The following MAGI2 variants were observed in gnomAD, a reference collection of about 807,000 sequenced individuals.
MAGI2 encodes membrane associated guanylate kinase, WW and PDZ domain containing 2.
MAGI2 carries 35 observed loss-of-function variants against 133.3 expected under a neutral mutation model. The observed-to-expected ratio is 0.26, with a 90% CI of 0.20 to 0.35. MAGI2 has a LOEUF of 0.35. Ranked by LOEUF, MAGI2 falls within the 10% of genes least tolerant of loss-of-function variation. The probability of loss-of-function intolerance (pLI) is 1.00; values close to 1 mark genes in which losing one functional copy is unlikely to be tolerated. For missense variants in MAGI2, 1,636 were observed against 1,863.4 expected, an observed-to-expected ratio of 0.88 and a Z score of 2.25; for synonymous variants, 729 against 710.6, an observed-to-expected ratio of 1.03 and a Z score of -0.41.
At chr7:78,602,064 C>G (rs1468069358) in intron 3 of MAGI2, among the ~76,000 whole-genome samples, 1 of 152,198 alleles carries the variant, frequency 6.6e-6, no homozygotes, top group Non-Finnish European at 1.5e-5. Flanking sequence ...CAGAAGTCTA[C>G]TATTTCAGCT....
Position 79,129,565 on chromosome 7 carries a change from C to G in MAGI2, c.302-122359G>C, listed in dbSNP as rs143844165. 2.9e-3 allele frequency among the ~76,000 whole-genome samples: 439 copies of G among 152,276 alleles called. 1 individual carries two copies. Among genetic ancestry groups the G allele is most frequent in the Non-Finnish European group, 4.6e-3 (312 of 68,030 alleles). Reference sequence around the variant, plus strand: ...TGAATTGCAATTATATTTATTACAACTGACCCTCAGAAAGAACTAGTTTAA... The same window carrying G: ...TGAATTGCAATTATATTTATTACAAGTGACCCTCAGAAAGAACTAGTTTAA... On this transcript the variant is annotated intron_variant, in intron 1 of 21. Transcript: ENST00000354212.
chr7:78,255,061 C>A (rs1360104313), intron 10 of MAGI2: 2 of 152,222 alleles, frequency 1.3e-5, no homozygotes, highest in Non-Finnish European at 2.9e-5. Context: ...CCTTTACACT[C>A]TTTTTTCGAG....
chr7:78,718,935 C>T (rs1819988717), intron 2 of MAGI2, among the ~76,000 whole-genome samples: 1 of 152,106 alleles, frequency 6.6e-6, no homozygotes, highest in Non-Finnish European at 1.5e-5. Flanking sequence ...TTTGTTATGT[C>T]ACTGTGCTTT....
At chr7:78,703,459 A>C (rs1303196280) in intron 2 of MAGI2, among the ~76,000 whole-genome samples, 1 of 152,028 alleles carries the variant, frequency 6.6e-6, no homozygotes, top group Non-Finnish European at 1.5e-5. Context: ...AGAATTTCTC[A>C]TCTGCTATCT....
chr7:78,445,182 C>T (rs34896695), intron 6 of MAGI2, among the ~76,000 whole-genome samples: 67,304 of 151,726 alleles, frequency 0.44, 18,229 homozygotes, highest in Non-Finnish European at 0.6. Flanking sequence ...ATAATCTAGG[C>T]AAACTGAATC....
At chr7:78,832,538 C>T (rs894210597) in intron 2 of MAGI2, among the ~76,000 whole-genome samples, 23 of 152,138 alleles carry the variant, frequency 1.5e-4, no homozygotes, top group Non-Finnish European at 2.2e-4. Context: ...CCATTCTTCA[C>T]GCTACTCTGT....
chr7:78,767,320 A>T (rs922777669), intron 2 of MAGI2, among the ~76,000 whole-genome samples: 1 of 151,070 alleles, frequency 6.6e-6, no homozygotes, highest in Admixed American at 6.6e-5. Context: ...GTTAAGGTAC[A>T]CCTAATGCAG....
intron 9 of MAGI2, among the ~76,000 whole-genome samples, chr7:78,261,710 T>G (rs1793535586): frequency 2.0e-5 from 3 of 152,204 alleles, no homozygotes; most frequent in African/African-American, 7.2e-5. Flanking sequence ...ACTCCCATCC[T>G]ACCAATTACA....
chr7:78,699,176 C>A (rs944604909), intron 2 of MAGI2, among the ~76,000 whole-genome samples: 17 of 152,138 alleles, frequency 1.1e-4, no homozygotes, highest in African/African-American at 3.4e-4. Context: ...GTGGCATGAT[C>A]TTGGCTCAAT....
chr7:79,420,704 ACAT>A lies in MAGI2; in HGVS notation c.301+32313_301+32315del, dbSNP rs1349736832. 2.0e-5 allele frequency among the ~76,000 whole-genome samples: 3 copies of A among 151,968 alleles called. No individual in the cohort carries two copies. In the East Asian group the frequency reaches 5.8e-4, roughly 29 times the overall value. On this transcript the variant is annotated intron_variant, in intron 1 of 21. Transcript: ENST00000354212. ...ATTTTGCATCTACGCCACCAAGATT[ACAT>A]CATCATGGTGAAATTCATGGTCCAC...
At chr7:78,972,801 TA>T (rs893943835) in intron 2 of MAGI2, among the ~76,000 whole-genome samples, 33 of 151,914 alleles carry the variant, frequency 2.2e-4, no homozygotes, top group African/African-American at 7.7e-4. Flanking sequence ...TCATTTTTCC[TA>T]AAAAATTATA....
At chr7:78,787,755 A>G (rs866880363) in intron 2 of MAGI2, among the ~76,000 whole-genome samples, 1 of 152,208 alleles carries the variant, frequency 6.6e-6, no homozygotes, top group African/African-American at 2.4e-5. Flanking sequence ...AAATCATCAG[A>G]AAGTGCCTAG....
intron 21 of MAGI2, among the ~76,000 whole-genome samples, chr7:78,028,470 A>G (rs1809186083): frequency 6.6e-6 from 1 of 152,220 alleles, no homozygotes; most frequent in Admixed American, 6.5e-5. Flanking sequence ...TGGAGCAGCT[A>G]TCTACTGAGA....
intron 10 of MAGI2, among the ~76,000 whole-genome samples, chr7:78,224,239 A>T (rs1053161234): frequency 1.3e-5 from 2 of 152,030 alleles, no homozygotes; most frequent in African/African-American, 4.8e-5. Flanking sequence ...TATTTATTTT[A>T]TTTTCTTTAG....
intron 1 of MAGI2, among the ~76,000 whole-genome samples, chr7:79,020,973 C>T (rs1809272467): frequency 1.3e-5 from 2 of 152,196 alleles, no homozygotes; most frequent in South Asian, 4.1e-4. Context: ...CCCCTACATG[C>T]CAGCTGCTTC....
chr7:78,032,470 C>T (rs558788205), intron 21 of MAGI2, among the ~76,000 whole-genome samples: 31 of 152,248 alleles, frequency 2.0e-4, no homozygotes, highest in African/African-American at 7.2e-4. Flanking sequence ...CTTCCTTGGC[C>T]TCCCAAAGTG....
chr7:78,795,284 C>A (rs1467810136), intron 2 of MAGI2, among the ~76,000 whole-genome samples: 1 of 151,556 alleles, frequency 6.6e-6, no homozygotes, highest in Non-Finnish European at 1.5e-5. Flanking sequence ...ATGTAACAAT[C>A]TTATATTCAG....
At chr7:78,549,394 A>G (rs1203055177) in intron 3 of MAGI2, among the ~76,000 whole-genome samples, 2 of 151,732 alleles carry the variant, frequency 1.3e-5, no homozygotes, top group Admixed American at 6.6e-5. Context: ...TTGTTCATTC[A>G]TCTGCATTCT....
At chr7:79,130,030 G>C (rs1364391572) in intron 1 of MAGI2, among the ~76,000 whole-genome samples, 1 of 152,040 alleles carries the variant, frequency 6.6e-6, no homozygotes, top group Non-Finnish European at 1.5e-5. Context: ...GCTAGGCATG[G>C]TGGCTCACAC....
Sources: gnomAD v4.1 joint callset for allele counts (sites outside exome capture counted in the v4.1 genomes callset) on GRCh38, gnomAD v4.1.1 for gene constraint, MANE v1.5 for transcripts, NCBI Gene and HGNC (gene_info 2026-07-23, HGNC 2026-07-21) for gene names.